TEX36: variants seen among roughly 807,000 people sequenced by gnomAD.
The protein encoded by TEX36 is testis-expressed protein 36.
In TEX36, 12 loss-of-function variants were observed where a neutral mutation model predicts 13.6. The observed-to-expected ratio is 0.88, with a 90% CI of 0.56 to 1.43. The LOEUF (loss-of-function observed/expected upper bound fraction) is 1.43. Ranked by LOEUF, TEX36 falls within the 40% of genes most tolerant of loss-of-function variation. TEX36 has a pLI of 0.00. For missense variants in TEX36, 224 were observed against 228.3 expected, an observed-to-expected ratio of 0.98 and a Z score of 0.12; for synonymous variants, 93 against 83.0, an observed-to-expected ratio of 1.12 and a Z score of -0.65.
At chr10:125,635,983 C>T (rs1429284494) in intron 3 of TEX36, among the ~76,000 whole-genome samples, 6 of 152,016 alleles carry the variant, frequency 3.9e-5, no homozygotes, top group Non-Finnish European at 5.9e-5. Flanking sequence ...AAGCAATCCT[C>T]CCACCTCAGC....
At chr10:125,668,235 C>G (rs1417961067) in intron 1 of TEX36, among the ~76,000 whole-genome samples, 5 of 152,042 alleles carry the variant, frequency 3.3e-5, no homozygotes, top group African/African-American at 7.2e-5. Flanking sequence ...AGTTTCAAGA[C>G]AATTGGTATT....
At chr10:125,586,876 C>T (rs531164130) in intron 3 of TEX36, among the ~76,000 whole-genome samples, 11 of 151,870 alleles carry the variant, frequency 7.2e-5, no homozygotes, top group Non-Finnish European at 1.6e-4. Context: ...AATTGTAATC[C>T]CCGGTGTTGG....
chr10:125,601,259 T>A (rs1846141744), intron 3 of TEX36, among the ~76,000 whole-genome samples: 1 of 152,262 alleles, frequency 6.6e-6, no homozygotes. Context: ...AATAATTCTA[T>A]AAGACACGTA....
At position 125,655,825 on chromosome 10, in the gene TEX36, T is replaced by C. The variant is rs1176617959; in HGVS notation, c.*75A>G. On this transcript the variant is annotated 3_prime_UTR_variant, in exon 4 of 4. Transcript: ENST00000368821. ...TTAAAAATTAAATAGTGGTGCTGGA[T>C]CAGAAAACATATACTTTTAGGATGT... 1 of 1,384,258 alleles carries C rather than the reference T, an allele frequency of 7.2e-7. No homozygotes were observed. Among genetic ancestry groups the C allele is most frequent in the Admixed American group, 3.3e-5 (1 of 30,486 alleles). The allele number at this position is 1,384,258 out of a possible 1,614,324, so 85.7% of individuals were successfully genotyped here.
intron 3 of TEX36, among the ~76,000 whole-genome samples, chr10:125,593,802 G>C (rs1351199358): frequency 6.6e-6 from 1 of 152,228 alleles, no homozygotes; most frequent in Non-Finnish European, 1.5e-5. Context: ...CAGAGTTTCT[G>C]TTGAGGATGA....
intron 3 of TEX36, among the ~76,000 whole-genome samples, chr10:125,624,830 G>T (rs920911931): frequency 6.6e-6 from 1 of 152,046 alleles, no homozygotes; most frequent in African/African-American, 2.4e-5. Flanking sequence ...TGTCCTTTCC[G>T]CAAGCAAGCA....
chr10:125,577,516 C>CA (rs1186645096), intron 3 of TEX36, among the ~76,000 whole-genome samples: 1 of 151,870 alleles, frequency 6.6e-6, no homozygotes, highest in African/African-American at 2.4e-5. Context: ...AGAACACACA[C>CA]AAAAAAATTG....
chr10:125,628,580 C>T (rs921859309), intron 3 of TEX36, among the ~76,000 whole-genome samples: 5 of 152,142 alleles, frequency 3.3e-5, no homozygotes, highest in Admixed American at 6.5e-5. Context: ...ATTAGATTTC[C>T]GGACACAGGA....
chr10:125,603,276 C>T (rs1268743103), intron 3 of TEX36, among the ~76,000 whole-genome samples: 18 of 152,178 alleles, frequency 1.2e-4, no homozygotes, highest in Non-Finnish European at 2.1e-4. Context: ...TTGATTTCTC[C>T]GACTTCCAAG....
At chr10:125,579,057 T>C (rs1845856763) in intron 3 of TEX36, among the ~76,000 whole-genome samples, 1 of 152,204 alleles carries the variant, frequency 6.6e-6, no homozygotes, top group African/African-American at 2.4e-5. Context: ...TCCTGATTAG[T>C]CAGATATTGA....
intron 3 of TEX36, among the ~76,000 whole-genome samples, chr10:125,657,204 A>G (rs968090526): frequency 6.6e-6 from 1 of 152,224 alleles, no homozygotes; most frequent in Non-Finnish European, 1.5e-5. Context: ...ATGAAGGGTC[A>G]GTGTCAGATT....
chr10:125,594,311 A>C (rs1330049687), intron 3 of TEX36, among the ~76,000 whole-genome samples: 2 of 152,248 alleles, frequency 1.3e-5, no homozygotes, highest in Non-Finnish European at 2.9e-5. Context: ...GTCCCAGCTA[A>C]GTGAAAACAA....
At chr10:125,642,494 G>A (rs888237243) in intron 3 of TEX36, among the ~76,000 whole-genome samples, 6 of 136,416 alleles carry the variant, frequency 4.4e-5, no homozygotes, top group South Asian at 4.2e-4. Flanking sequence ...TTTAAGATGC[G>A]TGAAACATCA....
At chr10:125,637,643 A>G (rs1846637788) in intron 3 of TEX36, among the ~76,000 whole-genome samples, 1 of 151,962 alleles carries the variant, frequency 6.6e-6, no homozygotes, top group Non-Finnish European at 1.5e-5. Context: ...CTGACCCTAG[A>G]ATCACTTAGG....
chr10:125,642,652 GA>G (rs1032076131), intron 3 of TEX36, among the ~76,000 whole-genome samples: 1 of 152,146 alleles, frequency 6.6e-6, no homozygotes, highest in African/African-American at 2.4e-5. Context: ...TACATCTTAA[GA>G]AAGGTTTTTT....
At chr10:125,658,850 C>T (rs984610144) in intron 3 of TEX36, among the ~76,000 whole-genome samples, 1 of 151,926 alleles carries the variant, frequency 6.6e-6, no homozygotes, top group Non-Finnish European at 1.5e-5. Context: ...TTGGAAAAAC[C>T]TTTGGGATGT....
chr10:125,592,773 T>A (rs1407260936), intron 3 of TEX36, among the ~76,000 whole-genome samples: 1 of 152,084 alleles, frequency 6.6e-6, no homozygotes, highest in Non-Finnish European at 1.5e-5. Context: ...CTTCCTCACA[T>A]TTGATTACTT....
chr10:125,649,909 C>T (rs1352014516), intron 3 of TEX36, among the ~76,000 whole-genome samples: 4 of 152,186 alleles, frequency 2.6e-5, no homozygotes, highest in South Asian at 2.1e-4. Context: ...AAGGCCATTA[C>T]GTAATGATAA....
Position 125,638,711 on chromosome 10 carries a change from C to T in TEX36, c.265-17066G>A, listed in dbSNP as rs142608255. On this transcript the variant is annotated intron_variant, in intron 3 of 3. Coordinates refer to the TEX36 transcript ENST00000526819. ...GTCACCTGGAGATTTCCCTCTGCCT[C>T]CCCTAGCACCTTGAACTGAGCTGGT... Among the ~76,000 whole-genome samples, 10 of 152,344 alleles carry T rather than the reference C, an allele frequency of 6.6e-5. 1 individual carries two copies. Among genetic ancestry groups the T allele is most frequent in the African/African-American group, 2.4e-4 (10 of 41,574 alleles).
Sources: allele counts gnomAD v4.1 joint callset (sites outside exome capture counted in the v4.1 genomes callset), GRCh38; gene constraint gnomAD v4.1.1; transcripts MANE v1.5; gene names NCBI Gene and HGNC (gene_info 2026-07-23, HGNC 2026-07-21).